The following ADAM22 variants were observed in gnomAD, a reference collection of about 807,000 sequenced individuals.
The protein encoded by ADAM22 is ADAM metallopeptidase domain 22.
Under a neutral mutation model 144.6 loss-of-function variants are expected in ADAM22, and 65 were observed. The observed-to-expected ratio is 0.45, with a 90% confidence interval of 0.37 to 0.55. The LOEUF is 0.55. Ranked by LOEUF, ADAM22 falls within the 20% of genes least tolerant of loss-of-function variation. The pLI, the probability that ADAM22 is intolerant of heterozygous loss-of-function variation, is 0.00. For synonymous variants in ADAM22, 391 were observed against 412.6 expected, an observed-to-expected ratio of 0.95 and a Z score of 0.63; for missense variants, 974 against 1,184.9, an observed-to-expected ratio of 0.82 and a Z score of 2.61.
intron 3 of ADAM22, among the ~76,000 whole-genome samples, chr7:88,068,273 C>T (rs1811814961): frequency 6.6e-6 from 1 of 152,024 alleles, no homozygotes; most frequent in African/African-American, 2.4e-5. Context: ...AAAACCTTTC[C>T]AAGCTCATAA....
chr7:87,960,081 A>G lies in ADAM22; in HGVS notation c.247-18255A>G, dbSNP rs185653743. Among the ~76,000 whole-genome samples the G allele has an allele frequency of 5.3e-4, 80 of 152,330 alleles. 2 individuals are homozygous for G. The East Asian group carries it at 0.01, about 19-fold the overall frequency. Reference sequence around the variant, plus strand: ...AGATGTAGCCTTCAGATCAATGGAAAGAACTGAAGAACTTCCATGTTCTTG... The same window carrying G: ...AGATGTAGCCTTCAGATCAATGGAAGGAACTGAAGAACTTCCATGTTCTTG... On this transcript the variant is annotated intron_variant, in intron 2 of 31. Transcript: ENST00000413139.
At position 88,192,988 on chromosome 7, in the gene ADAM22, A is replaced by G. The variant is rs1341363153; in HGVS notation, c.2751-128A>G. On this transcript the variant is annotated intron_variant, in intron 30 of 31. Transcript: ENST00000413139. ...GAGAATGACAGAATATCTTCCCAGTAGTTAAATCTTTGCAGTAGTGGTATA... is the reference window on the plus strand; with the variant it reads ...GAGAATGACAGAATATCTTCCCAGTGGTTAAATCTTTGCAGTAGTGGTATA... 5.7e-6 allele frequency: 6 copies of G among 1,060,264 alleles called. No homozygotes were observed. The Admixed American group carries it at 1.4e-4, about 25-fold the overall frequency. 65.7% of individuals were successfully genotyped at this position (1,060,264 alleles called of 1,614,324 possible).
At chr7:88,094,409 T>A (rs543047312) in intron 4 of ADAM22, among the ~76,000 whole-genome samples, 98 of 152,236 alleles carry the variant, frequency 6.4e-4, no homozygotes, top group Non-Finnish European at 1.2e-3. Flanking sequence ...TGATGCAGGA[T>A]CTTGGTGTGT....
chr7:88,034,084 A>T (rs534577771), intron 3 of ADAM22, among the ~76,000 whole-genome samples: 189 of 151,710 alleles, frequency 1.2e-3, no homozygotes, highest in African/African-American at 4.3e-3. Flanking sequence ...AGCCCCCTTT[A>T]CTCTTCCCTC....
intron 26 of ADAM22, among the ~76,000 whole-genome samples, chr7:88,176,120 G>T (rs754948326): frequency 6.6e-6 from 1 of 152,018 alleles, no homozygotes; most frequent in East Asian, 1.9e-4. Context: ...TTACAAGTGC[G>T]TGCCACCACA....
chr7:88,048,179 G>A (rs1042490270), intron 3 of ADAM22, among the ~76,000 whole-genome samples: 35 of 151,980 alleles, frequency 2.3e-4, no homozygotes, highest in Non-Finnish European at 3.8e-4. Flanking sequence ...AAATTTTTAC[G>A]TTTCATAAGT....
chr7:88,167,201 A>G (rs1843159674), intron 24 of ADAM22, among the ~76,000 whole-genome samples: 1 of 152,066 alleles, frequency 6.6e-6, no homozygotes, highest in Non-Finnish European at 1.5e-5. Flanking sequence ...GATCTAAGCT[A>G]CTCTGGATGA....
Position 88,084,735 on chromosome 7 carries a change from G to T in ADAM22, c.390+9043G>T, listed in dbSNP as rs1817942553. On this transcript the variant is annotated intron_variant, in intron 4 of 31. Transcript: ENST00000413139. ...CTTCCCTGCAGTACCTTTTTAAAAA[G>T]CAACTCTTAAAACTTTTACTTCTTT... is the stretch of plus-strand genomic sequence containing the variant. Among the ~76,000 whole-genome samples the T allele has an allele frequency of 2.6e-5, 4 of 152,046 alleles. No homozygotes were observed. The South Asian group carries it at 8.3e-4, about 32-fold the overall frequency.
intron 11 of ADAM22, chr7:88,132,095 C>T (rs1831946367): frequency 6.6e-6 from 1 of 151,558 alleles, no homozygotes; most frequent in African/African-American, 2.4e-5. Flanking sequence ...TCATAATTTT[C>T]TTCCATTCTC....
intron 3 of ADAM22, among the ~76,000 whole-genome samples, chr7:87,996,320 G>A (rs1157859126): frequency 6.6e-6 from 1 of 152,204 alleles, no homozygotes; most frequent in Non-Finnish European, 1.5e-5. Flanking sequence ...ATTCCTTACA[G>A]ATCCAAAGGC....
chr7:87,984,383 A>C lies in ADAM22; in HGVS notation c.323+5971A>C, dbSNP rs569734394. Among the ~76,000 whole-genome samples the C allele has an allele frequency of 5.9e-5, 9 of 152,214 alleles. No individual in the cohort carries two copies. The East Asian group carries it at 1.2e-3, about 20-fold the overall frequency. On this transcript the variant is annotated intron_variant, in intron 3 of 31. Coordinates refer to ENST00000413139, the MANE Select transcript of ADAM22 (RefSeq NM_001324418.2). ...AACCTATCTATAGGCCTTGTTGTGG[A>C]GGGTTGGTGTCACCAATGGGAAAGC...
rs201625300 is a variant in ADAM22 at position 88,150,875 on chromosome 7, C to T, written c.1567-106C>T. The stretch of plus-strand genomic sequence containing the variant: ...TTTGTTTTATAGATGGTATAAGGGA[C>T]TAGCCATATTAACAAATATGTTTTT... On this transcript the variant is annotated intron_variant, in intron 18 of 31. Transcript: ENST00000413139. The T allele has an allele frequency of 7.4e-6, 7 of 941,238 alleles. No homozygotes were observed. In the African/African-American group the frequency reaches 9.8e-5, roughly 13 times the overall value. 58.3% of individuals were successfully genotyped at this position (941,238 alleles called of 1,614,324 possible). A position where few individuals can be genotyped will look rare whatever the true frequency, so the allele number is the denominator to read the frequency against.
chr7:88,131,156 C>A, intron 10 of ADAM22, 113 bp from the exon 11 acceptor site: 2 of 835,470 alleles, frequency 2.4e-6, no homozygotes, highest in Admixed American at 2.8e-5. Context: ...AAGTTATCTC[C>A]CTTTAACTAA....
intron 26 of ADAM22, among the ~76,000 whole-genome samples, chr7:88,177,338 A>T (rs1404389411): frequency 1.3e-5 from 2 of 151,994 alleles, no homozygotes; most frequent in Non-Finnish European, 2.9e-5. Flanking sequence ...ATTAATAAAG[A>T]TCTCTTACAG....
intron 14 of ADAM22, among the ~76,000 whole-genome samples, chr7:88,136,948 T>C (rs1292983956): frequency 6.6e-6 from 1 of 152,120 alleles, no homozygotes; most frequent in East Asian, 1.9e-4. Context: ...TGGATACTTA[T>C]ACACCCATTA....
At chr7:87,958,416 G>A (rs1417693533) in intron 2 of ADAM22, among the ~76,000 whole-genome samples, 3 of 149,886 alleles carry the variant, frequency 2.0e-5, no homozygotes, top group Non-Finnish European at 3.0e-5. Context: ...ATGGAGTTTC[G>A]CTCTTGTTTC....
At chr7:88,051,343 C>T (rs898254299) in intron 3 of ADAM22, among the ~76,000 whole-genome samples, 3 of 152,130 alleles carry the variant, frequency 2.0e-5, no homozygotes, top group Non-Finnish European at 2.9e-5. Flanking sequence ...AAATGTGGCA[C>T]ATATACACCA....
intron 4 of ADAM22, among the ~76,000 whole-genome samples, chr7:88,096,034 C>T (rs1821194395): frequency 6.6e-6 from 1 of 150,480 alleles, no homozygotes; most frequent in African/African-American, 2.4e-5. Context: ...CAGTACTTCT[C>T]CCTCAGTCTC....
Position 87,934,502 on chromosome 7 carries a change from C to T in ADAM22, c.37C>T (p.Leu13=), listed in dbSNP as rs1237802739. 6.2e-7 allele frequency: 1 copy of T among 1,608,792 alleles called. No homozygotes were observed. Among genetic ancestry groups the T allele is most frequent in the Non-Finnish European group, 8.5e-7 (1 of 1,179,508 alleles). The part of the protein sequence containing the change: ...AAVAVSVPFL[L]LCVLGTCPPA... ...AGTGGCTGTGTCCGTGCCCTTCTTG[C>T]TGCTCTGTGTCCTGGGGACCTGCCC... The change falls in exon 1 of 32, where the codon CTG becomes TTG. Residue 13 remains leucine (L), a synonymous_variant. Transcript: ENST00000413139.
Sources: allele counts gnomAD v4.1 joint callset (sites outside exome capture counted in the v4.1 genomes callset), GRCh38; gene constraint gnomAD v4.1.1; transcripts MANE v1.5; gene names NCBI Gene and HGNC (gene_info 2026-07-23, HGNC 2026-07-21).